The following PPP1R14C variants were observed in gnomAD, a reference collection of about 807,000 sequenced individuals.
PPP1R14C encodes the protein protein phosphatase 1 regulatory inhibitor subunit 14C.
A neutral mutation model predicts 20.4 loss-of-function variants in PPP1R14C; 16 were observed. That is an observed-to-expected ratio of 0.78 (90% CI 0.53 to 1.19). The LOEUF (loss-of-function observed/expected upper bound fraction) is 1.19, where lower values mean the gene tolerates loss of function less well. Ranked by LOEUF, PPP1R14C falls within the 50% of genes most tolerant of loss-of-function variation. PPP1R14C has a pLI of 0.00. For missense variants in PPP1R14C, 211 were observed against 220.1 expected, an observed-to-expected ratio of 0.96 and a Z score of 0.26; for synonymous variants, 91 against 91.0, an observed-to-expected ratio of 1.00 and a Z score of 0.00.
intron 3 of PPP1R14C, among the ~76,000 whole-genome samples, chr6:150,218,071 A>T (rs1778116828): frequency 6.6e-6 from 1 of 152,194 alleles, no homozygotes; most frequent in East Asian, 1.9e-4. Flanking sequence ...CAGCAGTTCA[A>T]GACCAACCTG....
At chr6:150,145,014 T>C (rs1442063522) in intron 1 of PPP1R14C, among the ~76,000 whole-genome samples, 1 of 152,126 alleles carries the variant, frequency 6.6e-6, no homozygotes, top group Non-Finnish European at 1.5e-5. Flanking sequence ...TTTTCTCCAT[T>C]TGGGATTTGG....
intron 1 of PPP1R14C, among the ~76,000 whole-genome samples, chr6:150,168,394 G>A (rs1028515727): frequency 7.9e-4 from 120 of 151,796 alleles, no homozygotes; most frequent in African/African-American, 2.7e-3. Flanking sequence ...TTACCTGGGC[G>A]TAGTGGCGGG....
At chr6:150,176,337 G>A (rs1420242700) in intron 1 of PPP1R14C, among the ~76,000 whole-genome samples, 3 of 152,200 alleles carry the variant, frequency 2.0e-5, no homozygotes, top group African/African-American at 7.2e-5. Context: ...GTTGGAGGCG[G>A]GGTGCCCGTG....
At chr6:150,204,348 A>G (rs544537443) in intron 1 of PPP1R14C, among the ~76,000 whole-genome samples, 1 of 152,348 alleles carries the variant, frequency 6.6e-6, no homozygotes, top group Admixed American at 6.5e-5. Context: ...TGTCTCCAGG[A>G]AGCTCTGCAT....
rs376340059 is a variant in PPP1R14C at position 150,214,004 on chromosome 6, T to C, written c.307-740T>C. ...GAGTCAGCCTCATCCAAAACAGCCT[T>C]TCTTCAGGGTTGTATGGTAGCCACC... On this transcript the variant is annotated intron_variant, in intron 1 of 3. Coordinates refer to ENST00000361131, the MANE Select transcript of PPP1R14C (RefSeq NM_030949.3). Among the ~76,000 whole-genome samples, 44 of 152,366 alleles carry C rather than the reference T, an allele frequency of 2.9e-4. 2 individuals are homozygous for C. In the South Asian group the frequency reaches 3.7e-3, roughly 13 times the overall value.
At chr6:150,177,534 C>T (rs899987899) in intron 1 of PPP1R14C, among the ~76,000 whole-genome samples, 8 of 152,084 alleles carry the variant, frequency 5.3e-5, no homozygotes, top group Non-Finnish European at 1.2e-4. Context: ...CATGCAGATC[C>T]GGTGGTCACA....
chr6:150,143,774 G>A lies in PPP1R14C; in HGVS notation c.306+276G>A, dbSNP rs891981008. Among the ~76,000 whole-genome samples the A allele has an allele frequency of 2.0e-5, 3 of 152,160 alleles. No homozygotes were observed. In the South Asian group the frequency reaches 6.2e-4, roughly 31 times the overall value. On this transcript the variant is annotated intron_variant, in intron 1 of 3. Transcript: ENST00000361131. The surrounding 1 kb of genome is among the most constrained non-coding windows in gnomAD (Gnocchi z 5.6). ...AGGGTTGGGTCCCGCGGAGCACAGT[G>A]CTTTTCTCCGAGCTCCGGGCGCCTC...
At chr6:150,145,912 A>C (rs1056570158) in intron 1 of PPP1R14C, among the ~76,000 whole-genome samples, 5 of 152,248 alleles carry the variant, frequency 3.3e-5, no homozygotes, top group African/African-American at 4.8e-5. Context: ...GTTAGGAATC[A>C]GATGACTTGA....
At chr6:150,199,784 G>A (rs1428784623) in intron 1 of PPP1R14C, among the ~76,000 whole-genome samples, 1 of 151,880 alleles carries the variant, frequency 6.6e-6, no homozygotes, top group Non-Finnish European at 1.5e-5. Context: ...CAGGAGGATC[G>A]CTGGAGCCCA....
chr6:150,187,017 C>T (rs2114883822), intron 1 of PPP1R14C, among the ~76,000 whole-genome samples: 2 of 152,032 alleles, frequency 1.3e-5, no homozygotes, highest in East Asian at 3.9e-4. Flanking sequence ...CTCTTGTCGC[C>T]CAGGCTGGAG....
chr6:150,217,518 C>CGT (rs1778110477), intron 3 of PPP1R14C, among the ~76,000 whole-genome samples: 1 of 151,710 alleles, frequency 6.6e-6, no homozygotes, highest in Non-Finnish European at 1.5e-5. Context: ...TTTTTAAAAG[C>CGT]GTAAAGGCAG....
chr6:150,180,279 G>T (rs565561114), intron 1 of PPP1R14C, among the ~76,000 whole-genome samples: 69 of 152,326 alleles, frequency 4.5e-4, no homozygotes, highest in Non-Finnish European at 7.1e-4. Context: ...GGTAGATAGG[G>T]TGCACTCAGT....
At chr6:150,176,014 A>T (rs1777558320) in intron 1 of PPP1R14C, among the ~76,000 whole-genome samples, 1 of 152,228 alleles carries the variant, frequency 6.6e-6, no homozygotes, top group Non-Finnish European at 1.5e-5. Context: ...GGGAATTCAG[A>T]ATTCCACTGG....
intron 1 of PPP1R14C, among the ~76,000 whole-genome samples, chr6:150,172,712 C>T (rs1242152039): frequency 6.6e-6 from 1 of 152,108 alleles, no homozygotes; most frequent in African/African-American, 2.4e-5. Flanking sequence ...GGCAGAGTTG[C>T]TGAAACTGGA....
chr6:150,159,736 A>G (rs1191211468), intron 1 of PPP1R14C, among the ~76,000 whole-genome samples: 4 of 152,226 alleles, frequency 2.6e-5, no homozygotes, highest in African/African-American at 9.6e-5. Context: ...CCTGTTAGCA[A>G]CATATGTTAG....
At chr6:150,230,167 A>G (rs1778277846) in intron 3 of PPP1R14C, among the ~76,000 whole-genome samples, 1 of 152,214 alleles carries the variant, frequency 6.6e-6, no homozygotes, top group Admixed American at 6.5e-5. Context: ...TCCAAGAGGC[A>G]CACACCACCT....
At chr6:150,231,470 T>C (rs1430490761) in intron 3 of PPP1R14C, among the ~76,000 whole-genome samples, 4 of 152,208 alleles carry the variant, frequency 2.6e-5, no homozygotes, top group Non-Finnish European at 5.9e-5. Flanking sequence ...GTTGACACTT[T>C]GTCTAGTTTT....
At chr6:150,211,796 C>A (rs759099013) in intron 1 of PPP1R14C, among the ~76,000 whole-genome samples, 2 of 152,112 alleles carry the variant, frequency 1.3e-5, no homozygotes, top group South Asian at 2.1e-4. Flanking sequence ...TCAGAACACC[C>A]GGGACGCATG....
chr6:150,236,379 C>T (rs918504770), intron 3 of PPP1R14C, among the ~76,000 whole-genome samples: 5 of 152,128 alleles, frequency 3.3e-5, no homozygotes, highest in African/African-American at 9.7e-5. Context: ...AGAATAGTCT[C>T]GGGTGAGTGA....
Sources: gnomAD v4.1 joint callset for allele counts (sites outside exome capture counted in the v4.1 genomes callset) on GRCh38, gnomAD v4.1.1 for gene constraint, Gnocchi (gnomAD v3.1) non-coding constraint, MANE v1.5 for transcripts, NCBI Gene and HGNC (gene_info 2026-07-23, HGNC 2026-07-21) for gene names.